The following CNBD1 variants were observed in gnomAD, a reference collection of about 807,000 sequenced individuals.
CNBD1 encodes cyclic nucleotide binding domain containing 1.
In CNBD1, 71 loss-of-function variants were observed where a neutral mutation model predicts 54.4. The observed-to-expected ratio is 1.30, with a 90% confidence interval of 1.08 to 1.59. The LOEUF (loss-of-function observed/expected upper bound fraction) is 1.59. Among genes scored for constraint, CNBD1 ranks in the 40% most tolerant of loss-of-function variants. The pLI is 0.00. For synonymous variants in CNBD1, 182 were observed against 170.7 expected (o/e 1.07, Z -0.51); for missense variants, 659 against 518.0 (o/e 1.27, Z -2.64).
chr8:87,384,330 A>T (rs755433327), downstream of CNBD1, among the ~76,000 whole-genome samples: 1 of 152,072 alleles, frequency 6.6e-6, no homozygotes, highest in African/African-American at 2.4e-5. Context: ...ACTGAACATA[A>T]CCAAATTCTT....
At chr8:87,002,912 G>A (rs1433867709) in intron 4 of CNBD1, among the ~76,000 whole-genome samples, 2 of 152,010 alleles carry the variant, frequency 1.3e-5, no homozygotes, top group African/African-American at 2.4e-5. Flanking sequence ...CATGTATTAT[G>A]TTTGTAAAAA....
intron 10 of CNBD1, among the ~76,000 whole-genome samples, chr8:87,354,480 T>A (rs1212220796): frequency 6.6e-6 from 1 of 152,054 alleles, no homozygotes; most frequent in Non-Finnish European, 1.5e-5. Flanking sequence ...TATGTATACA[T>A]GTGCCATGTT....
intron 8 of CNBD1, among the ~76,000 whole-genome samples, chr8:87,340,090 C>T (rs576860262): frequency 5.9e-5 from 9 of 152,278 alleles, no homozygotes; most frequent in East Asian, 1.9e-4. Flanking sequence ...ATAATAACCT[C>T]GCTTAGCTTT....
In CNBD1 at chr8:87,351,793, T is replaced by C; in HGVS notation, c.1151T>C (p.Val384Ala). 2.7e-6 allele frequency: 4 copies of C among 1,484,282 alleles called. No homozygotes were observed. Among genetic ancestry groups the C allele is most frequent in the Non-Finnish European group, 3.6e-6 (4 of 1,121,972 alleles). The allele number at this position is 1,484,282 out of a possible 1,614,324, so 91.9% of individuals were successfully genotyped here. A position where few individuals can be genotyped will look rare whatever the true frequency, so the allele number is the denominator to read the frequency against. ...TTTGTGAAACTACGATCAAATAAAG[T>C]GGTAAGTTTTCAACATGTATTCTTT... Reference protein sequence around the residue: ...IGFVKLRSNKVKRSQKLVYMG... With the variant: ...IGFVKLRSNKAKRSQKLVYMG... Residue 384 changes from valine to alanine, a missense_variant and splice_region_variant, in exon 9 of 11, where the codon GTG becomes GCG. Physicochemically the swap from Val to Ala is moderately conservative, Grantham distance 64. Transcript: ENST00000518476.
chr8:87,321,910 G>A (rs529197734), intron 8 of CNBD1, among the ~76,000 whole-genome samples: 31 of 147,744 alleles, frequency 2.1e-4, no homozygotes, highest in South Asian at 1.1e-3. Flanking sequence ...CCACCACCTC[G>A]TCATCTAGCC....
At position 87,241,430 on chromosome 8, in the gene CNBD1, C is replaced by A. The variant is rs555771036; in HGVS notation, c.771+4318C>A. Among the ~76,000 whole-genome samples, 190 of 151,894 alleles carry A rather than the reference C, an allele frequency of 1.3e-3. 1 individual carries two copies. The highest frequency in any genetic ancestry group is 4.3e-3 in the African/African-American group (177 of 41,354). Reference sequence around the variant, plus strand: ...GGACTACAGGGGCCTGCCACCACGCCTGGCTAATTTTTTTTGTATTTTTAG... The same window carrying A: ...GGACTACAGGGGCCTGCCACCACGCATGGCTAATTTTTTTTGTATTTTTAG... On this transcript the variant is annotated intron_variant, in intron 6 of 10. Coordinates refer to ENST00000518476, the MANE Select transcript of CNBD1 (RefSeq NM_173538.3).
intron 4 of CNBD1, among the ~76,000 whole-genome samples, chr8:86,994,771 T>C (rs546485802): frequency 6.6e-6 from 1 of 152,300 alleles, no homozygotes; most frequent in Non-Finnish European, 1.5e-5. Context: ...GTTTTCTGTC[T>C]GAAGATCTGC....
intron 4 of CNBD1, among the ~76,000 whole-genome samples, chr8:86,963,211 C>A (rs1233431742): frequency 6.6e-6 from 1 of 152,134 alleles, no homozygotes; most frequent in Non-Finnish European, 1.5e-5. Context: ...AAGTTGGAGG[C>A]ATAGCTGACA....
intron 4 of CNBD1, among the ~76,000 whole-genome samples, chr8:87,155,005 C>T (rs1191521834): frequency 1.3e-5 from 2 of 152,130 alleles, no homozygotes; most frequent in African/African-American, 4.8e-5. Context: ...GAGTGTGCTG[C>T]CAGCTGGGAG....
At chr8:87,414,247 T>C (rs1390416081) in intron 2 of CNBD1, among the ~76,000 whole-genome samples, 1 of 152,032 alleles carries the variant, frequency 6.6e-6, no homozygotes, top group Non-Finnish European at 1.5e-5. Flanking sequence ...CTGGAAATCA[T>C]CATTCTCAGC....
chr8:87,252,046 A>C (rs1028924520), intron 6 of CNBD1, among the ~76,000 whole-genome samples: 7 of 152,146 alleles, frequency 4.6e-5, no homozygotes, highest in African/African-American at 1.7e-4. Flanking sequence ...TTTTGAAGAA[A>C]CAACAAACAT....
intron 8 of CNBD1, among the ~76,000 whole-genome samples, chr8:87,345,281 T>A (rs949249081): frequency 2.0e-5 from 3 of 152,196 alleles, no homozygotes; most frequent in Non-Finnish European, 4.4e-5. Flanking sequence ...GTTATATTAG[T>A]GAATCACACA....
chr8:87,301,710 T>G (rs1225465705), intron 8 of CNBD1, among the ~76,000 whole-genome samples: 1 of 152,088 alleles, frequency 6.6e-6, no homozygotes, highest in Non-Finnish European at 1.5e-5. Context: ...GACCTGGTTT[T>G]TTGAAAAGAT....
intron 4 of CNBD1, among the ~76,000 whole-genome samples, chr8:86,982,250 T>C (rs370613674): frequency 7.9e-5 from 12 of 152,342 alleles, no homozygotes; most frequent in Middle Eastern, 3.4e-3. Flanking sequence ...TTATTGACTT[T>C]TATGAATTTT....
intron 5 of CNBD1, among the ~76,000 whole-genome samples, chr8:87,227,573 C>G (rs879675288): frequency 8.8e-6 from 1 of 114,184 alleles, no homozygotes; most frequent in Admixed American, 9.5e-5. Context: ...TTGGCCCCCA[C>G]TCTCTTCTGG....
chr8:86,961,898 A>T (rs181247819), intron 4 of CNBD1, among the ~76,000 whole-genome samples: 1 of 152,356 alleles, frequency 6.6e-6, no homozygotes, highest in African/African-American at 2.4e-5. Context: ...ACACAGACTG[A>T]AGGAGATTCA....
intron 5 of CNBD1, among the ~76,000 whole-genome samples, chr8:87,219,307 A>G (rs1330829405): frequency 6.6e-6 from 1 of 152,042 alleles, no homozygotes; most frequent in Admixed American, 6.6e-5. Context: ...GATGAATGTG[A>G]CTGAACTTGA....
At chr8:87,356,813 G>A (rs1026769072) in intron 10 of CNBD1, among the ~76,000 whole-genome samples, 3 of 152,152 alleles carry the variant, frequency 2.0e-5, no homozygotes, top group Non-Finnish European at 4.4e-5. Flanking sequence ...AAGATAATGG[G>A]AGAAGGTCCT....
At chr8:87,217,573 CTTTT>C (rs35123267) in intron 5 of CNBD1, among the ~76,000 whole-genome samples, 1 of 144,882 alleles carries the variant, frequency 6.9e-6, no homozygotes, top group Non-Finnish European at 1.5e-5. Flanking sequence ...TTTTATTAAG[CTTTT>C]TTTTTTTTTT....
Sources: allele counts gnomAD v4.1 joint callset (sites outside exome capture counted in the v4.1 genomes callset), GRCh38; gene constraint gnomAD v4.1.1; transcripts MANE v1.5; gene names NCBI Gene and HGNC (gene_info 2026-07-23, HGNC 2026-07-21).